DTNA: variants seen among roughly 807,000 people sequenced by gnomAD.
The protein encoded by DTNA is dystrophin-related protein 3.
A neutral mutation model predicts 100.7 loss-of-function variants in DTNA; 43 were observed. That is an observed-to-expected ratio of 0.43 (90% CI 0.33 to 0.55). The LOEUF (loss-of-function observed/expected upper bound fraction) is 0.55, where lower values mean the gene tolerates loss of function less well. Among genes scored for constraint, DTNA ranks in the 20% least tolerant of loss-of-function variants. DTNA has a pLI of 0.04. For synonymous variants in DTNA, 349 were observed against 347.9 expected (o/e 1.00, Z -0.04); for missense variants, 798 against 953.9 (o/e 0.84, Z 2.15).
intron 4 of DTNA, among the ~76,000 whole-genome samples, chr18:34,799,881 A>G (rs1466270396): frequency 6.6e-6 from 1 of 152,128 alleles, no homozygotes; most frequent in African/African-American, 2.4e-5. Context: ...TCTGTTCTGG[A>G]GAAACCCCTA....
In DTNA at chr18:34,793,752, A is replaced by T. The variant is rs1383291; in HGVS notation, c.149-285A>T. ...CAGTTCAGTTTCCAGATCCTCAGTT[A>T]TCTTATGTGTAACACAGGGATAATA... On this transcript the variant is annotated intron_variant, in intron 3 of 22. Coordinates refer to ENST00000444659, the MANE Select transcript of DTNA (RefSeq NM_001386795.1). Among the ~76,000 whole-genome samples, 125,439 of 152,030 alleles carry T rather than the reference A, an allele frequency of 0.83. 52,648 individuals are homozygous for T. The highest frequency in any genetic ancestry group is 0.99 in the East Asian group (5,113 of 5,158).
intron 1 of DTNA, among the ~76,000 whole-genome samples, chr18:34,730,875 G>T (rs1234972592): frequency 6.6e-6 from 1 of 152,176 alleles, no homozygotes; most frequent in Non-Finnish European, 1.5e-5. Context: ...TTCACTGAAG[G>T]TTTGGGGTTG....
At chr18:34,629,091 C>A (rs1442100569) in intron 1 of DTNA, among the ~76,000 whole-genome samples, 1 of 152,058 alleles carries the variant, frequency 6.6e-6, no homozygotes, top group Non-Finnish European at 1.5e-5. Context: ...AATATTTTAA[C>A]AATTAGAAGA....
intron 17 of DTNA, chr18:34,867,272 G>A: frequency 8.1e-7 from 1 of 1,231,256 alleles, no homozygotes; most frequent in South Asian, 4.1e-5. Context: ...CATTCCCATG[G>A]TCTGTAAAAA....
chr18:34,697,012 C>T (rs1246992013), intron 1 of DTNA, among the ~76,000 whole-genome samples: 1 of 152,118 alleles, frequency 6.6e-6, no homozygotes, highest in Non-Finnish European at 1.5e-5. Flanking sequence ...GGGTATAGTC[C>T]AGGGATGCTA....
chr18:34,746,690 C>T (rs778334364), intron 1 of DTNA, among the ~76,000 whole-genome samples: 3 of 152,164 alleles, frequency 2.0e-5, no homozygotes, highest in Non-Finnish European at 4.4e-5. Flanking sequence ...CAGGGCTCCC[C>T]AGTCCCTCTG....
At chr18:34,516,593 C>T (rs60028935) in intron 1 of DTNA, among the ~76,000 whole-genome samples, 1 of 152,114 alleles carries the variant, frequency 6.6e-6, no homozygotes, top group Admixed American at 6.6e-5. Flanking sequence ...GCGGCCATTT[C>T]AGAGACCTCC....
intron 17 of DTNA, among the ~76,000 whole-genome samples, chr18:34,869,257 A>G (rs1278224304): frequency 6.6e-6 from 1 of 152,196 alleles, no homozygotes; most frequent in Admixed American, 6.5e-5. Flanking sequence ...AGGTATACAT[A>G]CACACAGGTA....
chr18:34,832,643 G>A (rs1485127787), intron 11 of DTNA, among the ~76,000 whole-genome samples: 2 of 152,054 alleles, frequency 1.3e-5, no homozygotes, highest in African/African-American at 2.4e-5. Flanking sequence ...TGAGATGGTT[G>A]AACTTCTATG....
intron 11 of DTNA, among the ~76,000 whole-genome samples, chr18:34,836,099 G>A (rs376789950): frequency 2.0e-5 from 3 of 152,308 alleles, no homozygotes; most frequent in South Asian, 2.1e-4. Context: ...TGTAGGTACT[G>A]CATAATGAAT....
rs75355506 is a variant in DTNA, at chr18:34,852,063, T to C, written c.1532+135T>C. On this transcript the variant is annotated intron_variant, in intron 15 of 22. Transcript: ENST00000444659. Reference sequence around the variant, plus strand: ...GGAAGACATCTACACTCAGTGATGCTCACTTCCAAAAAGCTGGTCTTTAGA... The same window carrying C: ...GGAAGACATCTACACTCAGTGATGCCCACTTCCAAAAAGCTGGTCTTTAGA... 812 of 891,654 alleles carry C rather than the reference T, an allele frequency of 9.1e-4. 6 individuals are homozygous for C. The African/African-American group carries it at 0.012, about 13-fold the overall frequency. The allele number at this position is 891,654 out of a possible 1,614,324, so 55.2% of individuals were successfully genotyped here.
chr18:34,528,986 GCATAGC>G (rs1373025761), intron 1 of DTNA, among the ~76,000 whole-genome samples: 1 of 152,034 alleles, frequency 6.6e-6, no homozygotes, highest in African/African-American at 2.4e-5. Flanking sequence ...TGCAACTCAG[GCATAGC>G]CATTGATATG....
At chr18:34,851,636 T>C (rs2096480472) in intron 14 of DTNA, among the ~76,000 whole-genome samples, 195 bp from the exon 15 acceptor site, 1 of 152,186 alleles carries the variant, frequency 6.6e-6, no homozygotes, top group Admixed American at 6.5e-5. Flanking sequence ...GCCTTCCACC[T>C]CACAGATGTG....
intron 6 of DTNA, among the ~76,000 whole-genome samples, chr18:34,813,698 C>CA (rs1457283381): frequency 6.6e-6 from 1 of 151,844 alleles, no homozygotes; most frequent in East Asian, 1.9e-4. Context: ...ACTAAAAATA[C>CA]AAAAATTAGC....
At chr18:34,748,035 T>C (rs928271625) in intron 1 of DTNA, among the ~76,000 whole-genome samples, 11 of 152,224 alleles carry the variant, frequency 7.2e-5, no homozygotes, top group African/African-American at 2.4e-4. Context: ...CTCATGGTTT[T>C]CATTTGCATT....
intron 17 of DTNA, among the ~76,000 whole-genome samples, chr18:34,870,508 A>G (rs138123064): frequency 1.3e-5 from 2 of 152,330 alleles, no homozygotes; most frequent in Admixed American, 1.3e-4. Flanking sequence ...CTAGTGTTCA[A>G]AAACATACCC....
intron 20 of DTNA, 144 bp from the exon 21 acceptor site, chr18:34,881,925 A>G: frequency 9.4e-7 from 1 of 1,062,860 alleles, no homozygotes; most frequent in Non-Finnish European, 1.4e-6. Context: ...AGTTTTTTTT[A>G]GGTATTACTA....
At chr18:34,535,349 T>G (rs1174151267) in intron 1 of DTNA, among the ~76,000 whole-genome samples, 1 of 152,142 alleles carries the variant, frequency 6.6e-6, no homozygotes, top group Non-Finnish European at 1.5e-5. Context: ...TTTTTTCTTG[T>G]AAATTTGTTT....
At chr18:34,627,016 T>C (rs1021831656) in intron 1 of DTNA, among the ~76,000 whole-genome samples, 1 of 152,148 alleles carries the variant, frequency 6.6e-6, no homozygotes, top group Non-Finnish European at 1.5e-5. Context: ...TGACTCACAA[T>C]GCATGTTTTT....
Sources: gnomAD v4.1 joint callset for allele counts (sites outside exome capture counted in the v4.1 genomes callset) on GRCh38, gnomAD v4.1.1 for gene constraint, MANE v1.5 for transcripts, NCBI Gene and HGNC (gene_info 2026-07-23, HGNC 2026-07-21) for gene names.